The following OXR1 variants were observed in gnomAD, a reference collection of about 807,000 sequenced individuals.
The protein encoded by OXR1 is oxidation resistance 1, also known as oxidation resistance protein 1.
A neutral mutation model predicts 104.6 loss-of-function variants in OXR1; 41 were observed. That is an observed-to-expected ratio of 0.39 (90% confidence interval 0.31 to 0.51). OXR1 has a LOEUF of 0.51. OXR1 is among the 20% of genes least tolerant of loss of function. The pLI, the probability that OXR1 is intolerant of heterozygous loss-of-function variation, is 0.77. For missense variants in OXR1, 955 were observed against 1,031.9 expected, an observed-to-expected ratio of 0.93 and a Z score of 1.02; for synonymous variants, 348 against 348.4, an observed-to-expected ratio of 1.00 and a Z score of 0.01.
chr8:106,333,454 T>C (rs1159729897), intron 1 of OXR1, among the ~76,000 whole-genome samples: 3 of 152,124 alleles, frequency 2.0e-5, no homozygotes, highest in African/African-American at 4.8e-5. Context: ...TTCTTTATAG[T>C]ATCCTGTAAC....
chr8:106,736,863 G>T (rs1834421890), intron 11 of OXR1, among the ~76,000 whole-genome samples: 1 of 151,704 alleles, frequency 6.6e-6, no homozygotes. Context: ...GAGGCAAAAA[G>T]TGGAAAAAAA....
chr8:106,718,801 T>A (rs2131444133), intron 11 of OXR1, among the ~76,000 whole-genome samples: 1 of 148,434 alleles, frequency 6.7e-6, no homozygotes, highest in South Asian at 2.2e-4. Context: ...ATCATGCCAC[T>A]GCACTGCAGC....
intron 3 of OXR1, among the ~76,000 whole-genome samples, chr8:106,674,035 T>G (rs2131178553): frequency 6.6e-6 from 1 of 152,070 alleles, no homozygotes; most frequent in South Asian, 2.1e-4. Context: ...CCACCTAGAG[T>G]CTCTACTGGG....
chr8:106,447,802 T>G, intron 2 of OXR1: 1 of 1,041,288 alleles, frequency 9.6e-7, no homozygotes. Flanking sequence ...CCGAACGGCA[T>G]ATTCTTTGGG....
chr8:106,748,552 CTCTTTT>C (rs1835593638), intron 16 of OXR1, among the ~76,000 whole-genome samples: 1 of 107,226 alleles, frequency 9.3e-6, no homozygotes, highest in Non-Finnish European at 1.9e-5. Flanking sequence ...GAAGTACCAA[CTCTTTT>C]TTTTTTTTTT....
intron 2 of OXR1, among the ~76,000 whole-genome samples, chr8:106,513,925 A>G (rs76849985): frequency 0.022 from 3,330 of 152,242 alleles, 137 homozygotes; most frequent in African/African-American, 0.075. Flanking sequence ...AGGCATTGGA[A>G]TACATGTGCA....
Position 106,679,282 on chromosome 8 carries a change from T to A in OXR1, c.293T>A (p.Ile98Asn). 1 of 1,564,592 alleles carries A rather than the reference T, an allele frequency of 6.4e-7. No individual in the cohort carries two copies. Among genetic ancestry groups the A allele is most frequent in the East Asian group, 2.3e-5 (1 of 44,202 alleles). ...TCTTTTCAGAAACCTAAAGGGACTA[T>A]TGAGTATACTGTAAGTTATTTGCTT... ...RMSFQKPKGTIEYTVESRDSL... is the reference protein window; with the variant it reads ...RMSFQKPKGTNEYTVESRDSL... Residue 98 changes from isoleucine (I) to asparagine (N), a missense_variant, in exon 4 of 17, where the codon ATT (isoleucine) becomes AAT (asparagine). Ile to Asn is a moderately radical substitution (Grantham distance 149). This residue lies in a region of OXR1 where 849 missense variants were observed against 852.9 expected (regional missense o/e 1.00). Coordinates refer to ENST00000517566, the MANE Select transcript of OXR1 (RefSeq NM_001198533.2).
rs1477300364 is a variant in OXR1 at position 106,587,694 on chromosome 8, T to C, written c.220+68555T>C. 3.9e-5 allele frequency among the ~76,000 whole-genome samples: 6 copies of C among 152,296 alleles called. No homozygotes were observed. In the East Asian group the frequency reaches 9.7e-4, roughly 25 times the overall value. Reference sequence around the variant, plus strand: ...GCCATTGCTGTGCCTGAATAAACTATGTAGCATGGTTTTTCCTTCCCTCCT... The same window carrying C: ...GCCATTGCTGTGCCTGAATAAACTACGTAGCATGGTTTTTCCTTCCCTCCT... On this transcript the variant is annotated intron_variant, in intron 3 of 16. Coordinates refer to ENST00000517566, the MANE Select transcript of OXR1 (RefSeq NM_001198533.2).
At chr8:106,665,199 T>C (rs1826152013) in intron 3 of OXR1, among the ~76,000 whole-genome samples, 1 of 150,798 alleles carries the variant, frequency 6.6e-6, no homozygotes, top group African/African-American at 2.4e-5. Flanking sequence ...CAGGGCACAG[T>C]CACACACACA....
chr8:106,664,672 T>G (rs1826096996), intron 3 of OXR1, among the ~76,000 whole-genome samples: 1 of 152,210 alleles, frequency 6.6e-6, no homozygotes, highest in African/African-American at 2.4e-5. Flanking sequence ...AGTTGAAAGG[T>G]GCAACAATTT....
chr8:106,722,704 T>C (rs1832923435), intron 11 of OXR1, among the ~76,000 whole-genome samples: 1 of 152,182 alleles, frequency 6.6e-6, no homozygotes, highest in African/African-American at 2.4e-5. Context: ...ATAACCTGGT[T>C]ATATGGTAGG....
At chr8:106,490,524 A>G (rs112790932) in intron 2 of OXR1, among the ~76,000 whole-genome samples, 1 of 151,470 alleles carries the variant, frequency 6.6e-6, no homozygotes, top group Non-Finnish European at 1.5e-5. Context: ...ACACCCAGCT[A>G]ATTTTGTGTG....
Position 106,748,725 on chromosome 8 carries a change from C to T in OXR1, c.2487-2081C>T, listed in dbSNP as rs551015109. Among the ~76,000 whole-genome samples the T allele has an allele frequency of 3.2e-4, 49 of 151,880 alleles. No individual in the cohort carries two copies. In the South Asian group the frequency reaches 5.8e-3, roughly 18 times the overall value. On this transcript the variant is annotated intron_variant, in intron 16 of 16. Transcript: ENST00000517566. ...CTGGAATTACAGGCGCCCACCACCA[C>T]GCCTAGCTAACTTTTGTATTTTTTA... is the stretch of plus-strand genomic sequence containing the variant.
intron 3 of OXR1, among the ~76,000 whole-genome samples, chr8:106,641,190 T>C (rs1346086990): frequency 6.6e-6 from 1 of 152,214 alleles, no homozygotes; most frequent in Non-Finnish European, 1.5e-5. Flanking sequence ...CAATCACATC[T>C]TTCATTCCCA....
At chr8:106,561,941 G>A (rs1478146940) in intron 3 of OXR1, among the ~76,000 whole-genome samples, 2 of 152,080 alleles carry the variant, frequency 1.3e-5, no homozygotes, top group African/African-American at 2.4e-5. Flanking sequence ...CAACAAAAAG[G>A]ACATCCACAC....
intron 3 of OXR1, among the ~76,000 whole-genome samples, chr8:106,548,380 G>C (rs1335206949): frequency 6.6e-6 from 1 of 152,102 alleles, no homozygotes; most frequent in Non-Finnish European, 1.5e-5. Context: ...CATACAAGTA[G>C]ACACAAAGAG....
intron 3 of OXR1, among the ~76,000 whole-genome samples, chr8:106,616,704 T>G (rs893518098): frequency 6.6e-6 from 1 of 152,216 alleles, no homozygotes; most frequent in Non-Finnish European, 1.5e-5. Flanking sequence ...TTTATACAAC[T>G]TCAGCGTTGT....
Position 106,679,216 on chromosome 8 carries a change from G to A in OXR1, c.227G>A (p.Gly76Asp). 2 of 1,606,082 alleles carry A rather than the reference G, an allele frequency of 1.2e-6. No homozygotes were observed. Among genetic ancestry groups the A allele is most frequent in the Non-Finnish European group, 1.7e-6 (2 of 1,174,332 alleles). ...TTTTGCCTTTTTTTCCCAGACACTG[G>A]CCAAAAGAAGACCCTAGACAAGAAA... ...ELKRFYTIDT[G>D]QKKTLDKKDG... is the part of the protein sequence containing the mutation. The change falls in exon 4 of 17, where the codon GGC becomes GAC. Residue 76 changes from glycine to aspartate, a missense_variant. Gly to Asp is a moderately conservative substitution (Grantham distance 94). Transcript: ENST00000517566.
At chr8:106,556,632 A>G (rs1368050645) in intron 3 of OXR1, among the ~76,000 whole-genome samples, 1 of 152,210 alleles carries the variant, frequency 6.6e-6, no homozygotes, top group Non-Finnish European at 1.5e-5. Flanking sequence ...ATGCACAGAA[A>G]GATGAGCTTA....
Sources: gnomAD v4.1 joint callset for allele counts (sites outside exome capture counted in the v4.1 genomes callset) on GRCh38, gnomAD v4.1.1 for gene constraint, gnomAD v4.1.1 regional missense constraint, MANE v1.5 for transcripts, NCBI Gene and HGNC (gene_info 2026-07-23, HGNC 2026-07-21) for gene names.